KIF27: variants seen among roughly 807,000 people sequenced by gnomAD.
KIF27 encodes the protein kinesin family member 27.
KIF27 carries 84 observed loss-of-function variants against 141.8 expected under a neutral mutation model. The observed-to-expected ratio is 0.59, with a 90% CI of 0.50 to 0.71. KIF27 has a LOEUF of 0.71. Ranked by LOEUF, KIF27 falls within the 30% of genes least tolerant of loss-of-function variation. KIF27 has a pLI of 0.00. For synonymous variants in KIF27, 471 were observed against 569.5 expected (o/e 0.83, Z 2.46); for missense variants, 1,306 against 1,628.4 (o/e 0.80, Z 3.41).
At chr9:83,863,737 G>A (rs1190101888) in intron 13 of KIF27, 1 of 151,814 alleles carries the variant, frequency 6.6e-6, no homozygotes, top group Admixed American at 6.6e-5. Flanking sequence ...ATTGGAATAG[G>A]TTCAGAAGGA....
At chr9:83,876,757 A>T (rs1266205831) in intron 11 of KIF27, among the ~76,000 whole-genome samples, 1 of 152,222 alleles carries the variant, frequency 6.6e-6, no homozygotes. Context: ...GTAACCATAT[A>T]TCTATGGCCA....
intron 12 of KIF27, 49 bp downstream of exon 12, chr9:83,870,470 A>C (rs758627239): frequency 6.2e-7 from 1 of 1,607,238 alleles, no homozygotes; most frequent in Admixed American, 1.7e-5. Flanking sequence ...TATTTAGACA[A>C]CCATCAGATT....
intron 14 of KIF27, among the ~76,000 whole-genome samples, chr9:83,855,607 C>T (rs571340583): frequency 4.6e-5 from 7 of 152,100 alleles, no homozygotes; most frequent in African/African-American, 1.7e-4. Context: ...TTAAGAGAAA[C>T]AATACATAAC....
At chr9:83,885,206 C>A (rs1951990700) in intron 9 of KIF27, among the ~76,000 whole-genome samples, 1 of 152,178 alleles carries the variant, frequency 6.6e-6, no homozygotes, top group Non-Finnish European at 1.5e-5. Flanking sequence ...AATTCTCCTG[C>A]CACAGCCTCC....
At chr9:83,845,749 C>T (rs1000912024) in intron 16 of KIF27, among the ~76,000 whole-genome samples, 2 of 152,152 alleles carry the variant, frequency 1.3e-5, no homozygotes, top group African/African-American at 4.8e-5. Context: ...GGTTATATAC[C>T]AATTCATGGG....
intron 10 of KIF27, among the ~76,000 whole-genome samples, chr9:83,882,681 A>G (rs1951781383): frequency 6.6e-6 from 1 of 152,132 alleles, no homozygotes; most frequent in South Asian, 2.1e-4. Context: ...TTTGAGGTAA[A>G]GTTCTACACC....
chr9:83,839,812 T>C (rs543343759), intron 17 of KIF27, among the ~76,000 whole-genome samples: 128 of 152,208 alleles, frequency 8.4e-4, no homozygotes, highest in African/African-American at 2.3e-3. Context: ...GGCCTGATGG[T>C]GGCGCCTGTA....
At chr9:83,919,425 G>A (rs1956029993) in intron 1 of KIF27, among the ~76,000 whole-genome samples, 1 of 152,196 alleles carries the variant, frequency 6.6e-6, no homozygotes, top group Non-Finnish European at 1.5e-5. Context: ...AGTAATCTAT[G>A]ACAATGTTTG....
intron 5 of KIF27, among the ~76,000 whole-genome samples, chr9:83,897,591 A>C (rs189749661): frequency 3.3e-4 from 51 of 152,348 alleles, no homozygotes; most frequent in Non-Finnish European, 3.4e-4. Context: ...AACAAATACC[A>C]TTAACCATAA....
In KIF27 at chr9:83,903,238, T is replaced by A. The variant is rs200613968; in HGVS notation, c.1280A>T (p.Asp427Val). Reference protein sequence around the residue: ...EAFTFLVDLKDTVRLNEKQQH... With the variant: ...EAFTFLVDLKVTVRLNEKQQH... Reference sequence around the variant, plus strand: ...CTGCTTTTCGTTTAGTCTGACAGTATCTTTTAGGTCAACCAGGAAGGTAAA... The same window carrying A: ...CTGCTTTTCGTTTAGTCTGACAGTAACTTTTAGGTCAACCAGGAAGGTAAA... The change falls in exon 4 of 18, where the codon GAT becomes GTT. Residue 427 changes from aspartate (D) to valine (V), a missense_variant. By Grantham distance (152) the Asp-to-Val change is radical (BLOSUM62 -3). Coordinates refer to ENST00000297814, the MANE Select transcript of KIF27 (RefSeq NM_017576.4). 6.2e-7 allele frequency: 1 copy of A among 1,614,166 alleles called. No individual in the cohort carries two copies. The highest frequency in any genetic ancestry group is 2.2e-5 in the East Asian group (1 of 44,882).
intron 1 of KIF27, among the ~76,000 whole-genome samples, chr9:83,918,291 CAAAG>C (rs1453182951): frequency 9.0e-6 from 1 of 111,394 alleles, no homozygotes; most frequent in East Asian, 2.8e-4. Context: ...GAACTTGTCT[CAAAG>C]AGAGAGAGAA....
intron 8 of KIF27, among the ~76,000 whole-genome samples, chr9:83,887,893 C>T (rs1346311763): frequency 6.6e-6 from 1 of 151,984 alleles, no homozygotes; most frequent in Non-Finnish European, 1.5e-5. Flanking sequence ...TAAAGAGATG[C>T]TCTATATTTT....
At chr9:83,881,128 TGA>T (rs1338012509) in intron 10 of KIF27, among the ~76,000 whole-genome samples, 1 of 151,950 alleles carries the variant, frequency 6.6e-6, no homozygotes, top group Non-Finnish European at 1.5e-5. Flanking sequence ...ACATCTTCCC[TGA>T]GAGTGACCAA....
intron 16 of KIF27, among the ~76,000 whole-genome samples, chr9:83,848,178 CATATATGATATATATG>C (rs796068062): frequency 2.8e-5 from 1 of 35,398 alleles, no homozygotes; most frequent in African/African-American, 2.3e-4. Flanking sequence ...TCTGATATAT[CATATATGATATATATG>C]ATATATCAGA....
intron 13 of KIF27, among the ~76,000 whole-genome samples, chr9:83,865,453 C>T (rs1190728157): frequency 2.0e-5 from 3 of 151,962 alleles, no homozygotes; most frequent in African/African-American, 4.8e-5. Context: ...CCCACAACCA[C>T]GCCTGGCTAA....
At chr9:83,861,423 T>C (rs958767342) in intron 13 of KIF27, among the ~76,000 whole-genome samples, 1 of 151,650 alleles carries the variant, frequency 6.6e-6, no homozygotes, top group African/African-American at 2.4e-5. Context: ...AGTGAGAATA[T>C]GCGGTGTTTG....
rs1347931941 is a variant in KIF27, at chr9:83,870,569, A to G, written c.2707T>C (p.Cys903Arg). The G allele has an allele frequency of 1.9e-6, 3 of 1,613,916 alleles. No individual in the cohort carries two copies. The highest frequency in any genetic ancestry group is 1.7e-5 in the Admixed American group (1 of 60,010). ...GAACCTTTTCTCCTTTTCAAGTTACATGCATCAAGGTCCTCAGCTTTCGGT... is the reference window on the plus strand; with the variant it reads ...GAACCTTTTCTCCTTTTCAAGTTACGTGCATCAAGGTCCTCAGCTTTCGGT... ...LKPKAEDLDA[C>R]NLKRRKGSFG... The change falls in exon 12 of 18, where the codon TGT becomes CGT. Residue 903 changes from cysteine (C) to arginine (R), a missense_variant. Cys to Arg is a radical substitution (Grantham distance 180, BLOSUM62 -3). Around this residue, in one of 4 missense-constraint regions of KIF27, gnomAD observed 596 missense variants for 751.6 expected, o/e 0.79. Coordinates refer to ENST00000297814, the MANE Select transcript of KIF27 (RefSeq NM_017576.4).
intron 13 of KIF27, among the ~76,000 whole-genome samples, chr9:83,865,055 G>A (rs1422466605): frequency 6.6e-6 from 1 of 151,512 alleles, no homozygotes. Flanking sequence ...CCTTTATTTT[G>A]AGCCTATATG....
chr9:83,903,448 T>C lies in KIF27; in HGVS notation c.1070A>G (p.Asp357Gly), dbSNP rs1014153336. 2.5e-6 allele frequency: 4 copies of C among 1,614,034 alleles called. No individual in the cohort carries two copies. In the South Asian group the frequency reaches 4.4e-5, roughly 18 times the overall value. The change falls in exon 4 of 18, where the codon GAT becomes GGT. Residue 357 changes from aspartate (D) to glycine (G), a missense_variant. By Grantham distance (94) the Asp-to-Gly change is moderately conservative. Around this residue, in one of 4 missense-constraint regions of KIF27, gnomAD observed 533 missense variants for 565.6 expected, o/e 0.94. Coordinates refer to ENST00000297814, the MANE Select transcript of KIF27 (RefSeq NM_017576.4). ...CAATTTAATCTCAAATTCCATTTCATCTATACGGTCTGACTCGGGGCTGAA... is the reference window on the plus strand; with the variant it reads ...CAATTTAATCTCAAATTCCATTTCACCTATACGGTCTGACTCGGGGCTGAA... ...VNFSPESDRI[D>G]EMEFEIKLLR...
Sources: gnomAD v4.1 joint callset for allele counts (sites outside exome capture counted in the v4.1 genomes callset) on GRCh38, gnomAD v4.1.1 for gene constraint, gnomAD v4.1.1 regional missense constraint, MANE v1.5 for transcripts, NCBI Gene and HGNC (gene_info 2026-07-23, HGNC 2026-07-21) for gene names.